The following ZNF521 variants were observed in gnomAD, a reference collection of about 807,000 sequenced individuals.
ZNF521 encodes LYST-interacting protein 3.
In ZNF521, 14 loss-of-function variants were observed where a neutral mutation model predicts 105.5. That is an observed-to-expected ratio of 0.13 (90% confidence interval 0.09 to 0.21). The LOEUF (loss-of-function observed/expected upper bound fraction) is 0.21. Ranked by LOEUF, ZNF521 falls within the 10% of genes least tolerant of loss-of-function variation. The pLI is 1.00. For missense variants in ZNF521, 1,233 were observed against 1,629.7 expected (o/e 0.76, Z 4.19); for synonymous variants, 635 against 606.0 (o/e 1.05, Z -0.70).
intron 5 of ZNF521, among the ~76,000 whole-genome samples, chr18:25,106,020 G>A (rs1260733042): frequency 2.0e-5 from 3 of 151,862 alleles, no homozygotes; most frequent in East Asian, 3.9e-4. Flanking sequence ...TCGTTTTGTT[G>A]TTGTTGTTGT....
chr18:25,136,004 C>T (rs1223999258), intron 5 of ZNF521, among the ~76,000 whole-genome samples: 1 of 151,964 alleles, frequency 6.6e-6, no homozygotes, highest in Non-Finnish European at 1.5e-5. Context: ...TGCTACTCAA[C>T]AAAAAAATCA....
intron 3 of ZNF521, among the ~76,000 whole-genome samples, chr18:25,316,052 C>T (rs1376901606): frequency 6.6e-6 from 1 of 152,094 alleles, no homozygotes; most frequent in Admixed American, 6.6e-5. Flanking sequence ...TTTCTTTACA[C>T]AGATTGTTCA....
chr18:25,272,463 A>C (rs1454779488), intron 3 of ZNF521, among the ~76,000 whole-genome samples: 2 of 152,144 alleles, frequency 1.3e-5, no homozygotes, highest in Non-Finnish European at 2.9e-5. Flanking sequence ...ACATGTACAC[A>C]TATGTTTATT....
At chr18:25,267,282 G>A (rs187917685) in intron 3 of ZNF521, among the ~76,000 whole-genome samples, 14 of 152,298 alleles carry the variant, frequency 9.2e-5, no homozygotes, top group South Asian at 2.1e-4. Context: ...CCCAGTCAGC[G>A]ACTTATAGAT....
intron 3 of ZNF521, among the ~76,000 whole-genome samples, chr18:25,307,183 A>G (rs1912030335): frequency 6.6e-6 from 1 of 152,178 alleles, no homozygotes; most frequent in Non-Finnish European, 1.5e-5. Context: ...TCTTACTAAT[A>G]CAATTGCAAG....
chr18:25,087,304 T>A (rs1170492244), intron 7 of ZNF521, among the ~76,000 whole-genome samples: 1 of 152,150 alleles, frequency 6.6e-6, no homozygotes, highest in African/African-American at 2.4e-5. Context: ...TACATCATCA[T>A]AAAGGAAACC....
At chr18:25,305,074 G>C (rs1016544148) in intron 3 of ZNF521, among the ~76,000 whole-genome samples, 1 of 151,998 alleles carries the variant, frequency 6.6e-6, no homozygotes, top group South Asian at 2.1e-4. Context: ...GTCATTTGTC[G>C]CACAAATGCA....
chr18:25,335,825 C>G lies in ZNF521; in HGVS notation c.41-13638G>C, dbSNP rs563618207. Among the ~76,000 whole-genome samples the G allele has an allele frequency of 6.6e-5, 10 of 152,224 alleles. No individual in the cohort carries two copies. In the East Asian group the frequency reaches 1.7e-3, roughly 26 times the overall value. ...AGATAGTGTCTACGAAGAGTATCAC[C>G]GGACAAGTGAATGCCAAGGTCAACC... On this transcript the variant is annotated intron_variant, in intron 2 of 7. Transcript: ENST00000361524.
At chr18:25,325,538 C>T (rs745723370) in intron 2 of ZNF521, among the ~76,000 whole-genome samples, 2 of 152,136 alleles carry the variant, frequency 1.3e-5, no homozygotes, top group Non-Finnish European at 2.9e-5. Context: ...TATAAATCCA[C>T]GCAAAGGGTG....
intron 2 of ZNF521, among the ~76,000 whole-genome samples, chr18:25,338,262 TGTGTGTG>T (rs2145198515): frequency 7.3e-6 from 1 of 136,524 alleles, no homozygotes; most frequent in African/African-American, 3.2e-5. Context: ...TAGACTTTTG[TGTGTGTG>T]TGTGTGTGTG....
intron 4 of ZNF521, among the ~76,000 whole-genome samples, chr18:25,221,183 G>C (rs1223347364): frequency 2.0e-5 from 3 of 152,172 alleles, no homozygotes; most frequent in African/African-American, 7.2e-5. Flanking sequence ...AATTCAGAAA[G>C]CATTAGGCAG....
At chr18:25,229,129 A>C (rs1325719299) in intron 3 of ZNF521, among the ~76,000 whole-genome samples, 1 of 152,240 alleles carries the variant, frequency 6.6e-6, no homozygotes, top group Admixed American at 6.5e-5. Flanking sequence ...GATTAATATA[A>C]AAGTAGAAAC....
chr18:25,117,402 A>G (rs1439864478), intron 5 of ZNF521, among the ~76,000 whole-genome samples: 1 of 152,126 alleles, frequency 6.6e-6, no homozygotes, highest in Non-Finnish European at 1.5e-5. Flanking sequence ...AATGTCCAAG[A>G]TACAATTTAC....
intron 5 of ZNF521, among the ~76,000 whole-genome samples, chr18:25,171,005 T>C (rs2035439681): frequency 6.6e-6 from 1 of 152,142 alleles, no homozygotes; most frequent in Non-Finnish European, 1.5e-5. Context: ...AGCTGTGGCA[T>C]ACTGTCTATA....
At chr18:25,315,109 C>A (rs1362996175) in intron 3 of ZNF521, among the ~76,000 whole-genome samples, 1 of 152,176 alleles carries the variant, frequency 6.6e-6, no homozygotes, top group African/African-American at 2.4e-5. Flanking sequence ...GAGAGGTTCT[C>A]TGTGCTTTTC....
At chr18:25,262,008 A>T (rs1908943616) in intron 3 of ZNF521, among the ~76,000 whole-genome samples, 1 of 152,232 alleles carries the variant, frequency 6.6e-6, no homozygotes, top group Non-Finnish European at 1.5e-5. Flanking sequence ...CTCTTAGTTA[A>T]GTAAACCAAC....
intron 5 of ZNF521, among the ~76,000 whole-genome samples, chr18:25,103,858 A>G (rs1489733106): frequency 6.6e-6 from 1 of 152,036 alleles, no homozygotes; most frequent in Non-Finnish European, 1.5e-5. Context: ...AAGGAAAGAC[A>G]AAAGACTCGT....
chr18:25,206,040 G>A (rs879290360), intron 4 of ZNF521, among the ~76,000 whole-genome samples: 6 of 151,968 alleles, frequency 3.9e-5, no homozygotes, highest in Non-Finnish European at 5.9e-5. Context: ...GTCTCGCTCT[G>A]TCACACAGGC....
intron 5 of ZNF521, among the ~76,000 whole-genome samples, chr18:25,178,827 G>A (rs1567996464): frequency 6.6e-6 from 1 of 152,128 alleles, no homozygotes. Context: ...CCTCAGCACA[G>A]GCTCCCACAG....
Sources: gnomAD v4.1 joint callset for allele counts (sites outside exome capture counted in the v4.1 genomes callset) on GRCh38, gnomAD v4.1.1 for gene constraint, MANE v1.5 for transcripts, NCBI Gene and HGNC (gene_info 2026-07-23, HGNC 2026-07-21) for gene names.